Variants in C3orf18 observed in about 807,000 individuals in gnomAD.
C3orf18 encodes the protein uncharacterized protein C3orf18.
In C3orf18, 12 loss-of-function variants were observed where a neutral mutation model predicts 14.1. The observed-to-expected ratio is 0.85, with a 90% CI of 0.55 to 1.38. C3orf18 has a LOEUF of 1.38. Ranked by LOEUF, C3orf18 falls within the 40% of genes most tolerant of loss-of-function variation. The pLI, the probability that C3orf18 is intolerant of heterozygous loss-of-function variation, is 0.00. For synonymous variants in C3orf18, 82 were observed against 87.9 expected, an observed-to-expected ratio of 0.93 and a Z score of 0.38; for missense variants, 196 against 213.9, an observed-to-expected ratio of 0.92 and a Z score of 0.52.
chr3:50,569,669 CAG>C (rs1444930188), upstream of C3orf18: 14 of 152,282 alleles, frequency 9.2e-5, no homozygotes. Context: ...GATGGGGAAA[CAG>C]GGTTGGAGAG....
In C3orf18 at chr3:50,565,563, T is replaced by C; in HGVS notation, c.137A>G (p.Asp46Gly). 1 of 1,613,678 alleles carries C rather than the reference T, an allele frequency of 6.2e-7. No homozygotes were observed. Among genetic ancestry groups the C allele is most frequent in the Non-Finnish European group, 8.5e-7 (1 of 1,179,932 alleles). Residue 46 changes from aspartate (D) to glycine (G), a missense_variant, in exon 3 of 6, where the codon GAC (aspartate) becomes GGC (glycine). Asp to Gly is a moderately conservative substitution (Grantham distance 94). Transcript: ENST00000357203. The surrounding 1 kb of genome is among the most constrained non-coding windows in gnomAD (Gnocchi z 4.4). ...TLSPEATTFN[D>G]TRIPDAAGGT... ...ACCAGCTGCATCAGGGATTCTGGTGTCATTAAAGGTGGTGGCCTCTGGGCT... is the reference window on the plus strand; with the variant it reads ...ACCAGCTGCATCAGGGATTCTGGTGCCATTAAAGGTGGTGGCCTCTGGGCT...
In C3orf18 at chr3:50,565,328, T is replaced by C; in HGVS notation, c.234+138A>G. 2 of 693,520 alleles carry C rather than the reference T, an allele frequency of 2.9e-6. No homozygotes were observed. The highest frequency in any genetic ancestry group is 4.9e-6 in the Non-Finnish European group (2 of 405,536). 43.0% of individuals were successfully genotyped at this position (693,520 alleles called of 1,614,324 possible). ...GTTGCAGTGAGCTGAGATCAAGCCA[T>C]TGCACTCCAGCCTGCATGACAGAGC... On this transcript the variant is annotated intron_variant, in intron 3 of 5. Transcript: ENST00000357203. This position sits in a 1 kb window ranked among gnomAD's most constrained non-coding sequence, Gnocchi z 4.4.
chr3:50,570,375 AG>A (rs1158193251), upstream of C3orf18: 1 of 152,232 alleles, frequency 6.6e-6, no homozygotes, highest in African/African-American at 2.4e-5. Flanking sequence ...CCCGGATTAT[AG>A]GTTAAATTAG....
In C3orf18 at chr3:50,558,983, A is replaced by G; in HGVS notation, c.*674T>C. ...TGCATCCTTCCACTTCCATTCCCCT[A>G]CTTCCTTCCCCCTCAGCTCCCATCC... On this transcript the variant is annotated 3_prime_UTR_variant, in exon 6 of 6. Coordinates refer to ENST00000357203, the MANE Select transcript of C3orf18 (RefSeq NM_016210.5). 1 of 1,288,778 alleles carries G rather than the reference A, an allele frequency of 7.8e-7. No homozygotes were observed. Among genetic ancestry groups the G allele is most frequent in the Non-Finnish European group, 1.0e-6 (1 of 988,340 alleles). The allele number at this position is 1,288,778 out of a possible 1,614,324, so 79.8% of individuals were successfully genotyped here.
At chr3:50,573,380 C>A (rs1238136051), upstream of C3orf18, among the ~76,000 whole-genome samples, 1 of 152,224 alleles carries the variant, frequency 6.6e-6, no homozygotes. Flanking sequence ...CCTGTGGCTC[C>A]TGAAAACACG....
upstream of C3orf18, among the ~76,000 whole-genome samples, chr3:50,568,353 G>GTTTTCAA (rs1456699345): frequency 1.3e-5 from 2 of 152,236 alleles, no homozygotes; most frequent in South Asian, 2.1e-4. Flanking sequence ...TAGTTTATGG[G>GTTTTCAA]AGTCACCGGG....
Position 50,559,316 on chromosome 3 carries a change from C to T in C3orf18, c.*341G>A. On this transcript the variant is annotated 3_prime_UTR_variant, in exon 6 of 6. Coordinates refer to ENST00000357203, the MANE Select transcript of C3orf18 (RefSeq NM_016210.5). ...CCAATCCCTCCCACTCCGTATCTCC[C>T]TCATTTCCTCCACATTAGCGGGGCA... The T allele has an allele frequency of 8.0e-7, 1 of 1,255,674 alleles. No individual in the cohort carries two copies. Among genetic ancestry groups the T allele is most frequent in the East Asian group, 4.6e-5 (1 of 21,508 alleles). 77.8% of individuals were successfully genotyped at this position (1,255,674 alleles called of 1,614,324 possible).
chr3:50,567,335 G>A (rs994715797), intron 1 of C3orf18, 128 bp downstream of exon 1: 1 of 152,362 alleles, frequency 6.6e-6, no homozygotes, highest in Admixed American at 6.5e-5. Context: ...TCGGCACCGC[G>A]ACCTTCGAGA....
intron 3 of C3orf18, among the ~76,000 whole-genome samples, chr3:50,563,851 C>T (rs1700132051): frequency 6.6e-6 from 1 of 152,248 alleles, no homozygotes; most frequent in African/African-American, 2.4e-5. Flanking sequence ...GTTCCAAGGA[C>T]AAAACCTTTC....
chr3:50,571,557 G>C, upstream of C3orf18: 1 of 778,988 alleles, frequency 1.3e-6, no homozygotes, highest in Admixed American at 2.1e-5. Flanking sequence ...TGTTAGCTGT[G>C]TAACCTTAGG....
upstream of C3orf18, among the ~76,000 whole-genome samples, chr3:50,574,269 G>C (rs369627953): frequency 6.6e-6 from 1 of 152,222 alleles, no homozygotes; most frequent in African/African-American, 2.4e-5. Flanking sequence ...AGCCACCAGC[G>C]TTAGGCTGAG....
At position 50,559,279 on chromosome 3, in the gene C3orf18, C is replaced by T; in HGVS notation, c.*378G>A. 3 of 1,244,452 alleles carry T rather than the reference C, an allele frequency of 2.4e-6. No individual in the cohort carries two copies. Among genetic ancestry groups the T allele is most frequent in the Non-Finnish European group, 3.1e-6 (3 of 972,386 alleles). The allele number at this position is 1,244,452 out of a possible 1,614,324, so 77.1% of individuals were successfully genotyped here. A position where few individuals can be genotyped will look rare whatever the true frequency, so the allele number is the denominator to read the frequency against. On this transcript the variant is annotated 3_prime_UTR_variant, in exon 6 of 6. Transcript: ENST00000357203. The stretch of plus-strand genomic sequence containing the variant: ...TCTCTCCCTAACAGAGGGAAACCTC[C>T]CCTTTCCTCCCCCAATCCCTCCCAC...
chr3:50,568,761 A>G (rs1037356106), upstream of C3orf18, among the ~76,000 whole-genome samples: 1 of 152,060 alleles, frequency 6.6e-6, no homozygotes, highest in Non-Finnish European at 1.5e-5. Context: ...AAAAGAAAAA[A>G]AAAGTAGTTA....
chr3:50,565,378 T>A lies in C3orf18; in HGVS notation c.234+88A>T, dbSNP rs550288722. The A allele has an allele frequency of 9.5e-7, 1 of 1,056,980 alleles. No homozygotes were observed. The highest frequency in any genetic ancestry group is 1.4e-6 in the Non-Finnish European group (1 of 712,482). 65.5% of individuals were successfully genotyped at this position (1,056,980 alleles called of 1,614,324 possible). On this transcript the variant is annotated intron_variant, in intron 3 of 5. Transcript: ENST00000357203. The surrounding 1 kb of genome is among the most constrained non-coding windows in gnomAD (Gnocchi z 4.4). ...CAAGACTCTGTCTCAAAAACAACAA[T>A]AACAACAACCAGATTGTCTTCTGAT...
chr3:50,559,399 T>C lies in C3orf18; in HGVS notation c.*258A>G. On this transcript the variant is annotated 3_prime_UTR_variant, in exon 6 of 6. Coordinates refer to ENST00000357203, the MANE Select transcript of C3orf18 (RefSeq NM_016210.5). ...AGGAAGCCAGCAGAGGCTCTTGACC[T>C]TCTCAGCATGAGGGATGCCCTCTGT... 1 of 1,368,008 alleles carries C rather than the reference T, an allele frequency of 7.3e-7. No homozygotes were observed. Among genetic ancestry groups the C allele is most frequent in the Non-Finnish European group, 9.5e-7 (1 of 1,057,840 alleles). The allele number at this position is 1,368,008 out of a possible 1,614,324, so 84.7% of individuals were successfully genotyped here. A position where few individuals can be genotyped will look rare whatever the true frequency, so the allele number is the denominator to read the frequency against.
At position 50,559,083 on chromosome 3, in the gene C3orf18, T is replaced by G. The variant is rs1255647301; in HGVS notation, c.*574A>C. On this transcript the variant is annotated 3_prime_UTR_variant, in exon 6 of 6. Coordinates refer to ENST00000357203, the MANE Select transcript of C3orf18 (RefSeq NM_016210.5). ...CCTCCTGGACCCTCCGTAGTATGGA[T>G]GGACCCTGGGTGTGAATTGCCCTTC... The G allele has an allele frequency of 7.8e-7, 1 of 1,289,728 alleles. No homozygotes were observed. The highest frequency in any genetic ancestry group is 1.5e-5 in the African/African-American group (1 of 65,842). 79.9% of individuals were successfully genotyped at this position (1,289,728 alleles called of 1,614,324 possible).
upstream of C3orf18, chr3:50,571,159 G>A: frequency 6.2e-7 from 1 of 1,613,296 alleles, no homozygotes. Flanking sequence ...AGGGAGGAGG[G>A]GAAGTACCCG....
rs1575829654 is a variant in C3orf18, at chr3:50,561,042, G to A, written c.283C>T (p.Leu95Phe). The A allele has an allele frequency of 6.2e-7, 1 of 1,614,162 alleles. No homozygotes were observed. The highest frequency in any genetic ancestry group is 1.1e-5 in the South Asian group (1 of 91,078). ...GGGTCGAAGTTGTACATGGGCATGA[G>A]CTGGTGGCGTAGCTTCTCCAGCCTG... Reference protein sequence around the residue: ...KKRLEKLRHQLMPMYNFDPTE... With the variant: ...KKRLEKLRHQFMPMYNFDPTE... The change falls in exon 5 of 6, where the codon CTC becomes TTC. Residue 95 changes from leucine to phenylalanine, a missense_variant. Physicochemically the swap from Leu to Phe is conservative, Grantham distance 22. Transcript: ENST00000357203.
chr3:50,572,236 A>G (rs1178162149), upstream of C3orf18: 1 of 1,556,282 alleles, frequency 6.4e-7, no homozygotes, highest in Non-Finnish European at 8.8e-7. Context: ...GCAAGGCAGG[A>G]TCAGGATGAT....
Sources: allele counts gnomAD v4.1 joint callset (sites outside exome capture counted in the v4.1 genomes callset), GRCh38; gene constraint gnomAD v4.1.1; non-coding constraint Gnocchi (gnomAD v3.1); transcripts MANE v1.5; gene names NCBI Gene and HGNC (gene_info 2026-07-23, HGNC 2026-07-21).